The following PARD3 variants were observed in gnomAD, a reference collection of about 807,000 sequenced individuals.
The protein encoded by PARD3 is par-3 family cell polarity regulator.
In PARD3, 75 loss-of-function variants were observed where a neutral mutation model predicts 155.4. That is an observed-to-expected ratio of 0.48 (90% CI 0.40 to 0.58). PARD3 has a LOEUF of 0.58. Among genes scored for constraint, PARD3 ranks in the 20% least tolerant of loss-of-function variants. PARD3 has a pLI of 0.00. For missense variants in PARD3, 1,642 were observed against 1,721.7 expected (o/e 0.95, Z 0.82); for synonymous variants, 576 against 610.5 (o/e 0.94, Z 0.83).
chr10:34,538,674 G>A (rs183871812), intron 2 of PARD3, among the ~76,000 whole-genome samples: 7 of 152,348 alleles, frequency 4.6e-5, no homozygotes, highest in African/African-American at 7.2e-5. Flanking sequence ...ACTTGGTGAG[G>A]AGTGGAGGCC....
chr10:34,189,565 C>T (rs1950618338), intron 22 of PARD3, among the ~76,000 whole-genome samples: 1 of 152,148 alleles, frequency 6.6e-6, no homozygotes, highest in Non-Finnish European at 1.5e-5. Flanking sequence ...CTGGATGAGG[C>T]AGTAAGTATT....
At chr10:34,369,307 T>G (rs568688678) in intron 12 of PARD3, among the ~76,000 whole-genome samples, 850 of 57,074 alleles carry the variant, frequency 0.015, 6 homozygotes, top group African/African-American at 0.088. Context: ...GTGATTTATT[T>G]ATTTATTTGT....
intron 1 of PARD3, among the ~76,000 whole-genome samples, chr10:34,727,878 C>CCA (rs61342514): frequency 0.063 from 9,112 of 144,582 alleles, 852 homozygotes; most frequent in African/African-American, 0.21. Flanking sequence ...CCTCCCTCCG[C>CCA]CACACACACA....
intron 5 of PARD3, among the ~76,000 whole-genome samples, chr10:34,434,775 T>C (rs1467636988): frequency 6.6e-6 from 1 of 152,092 alleles, no homozygotes; most frequent in Non-Finnish European, 1.5e-5. Context: ...GAGGAAAAAG[T>C]AAAGAACACT....
chr10:34,331,141 C>T lies in PARD3; in HGVS notation c.2809G>A (p.Asp937Asn). ...DKSYDKPAVD[D>N]DDEGMETLEE... ...CAGGTCTCCATGCCTTCATCATCAT[C>T]ATCTACCGCGGGTTTATCATAAGAT... The change falls in exon 19 of 25, where the codon GAT becomes AAT. Residue 937 changes from aspartate to asparagine, a missense_variant. By Grantham distance (23) the Asp-to-Asn change is conservative. Around this residue, in one of 3 missense-constraint regions of PARD3, gnomAD observed 1,529 missense variants for 1,587.3 expected, o/e 0.96. Transcript: ENST00000374788. 1 of 1,613,762 alleles carries T rather than the reference C, an allele frequency of 6.2e-7. No homozygotes were observed. Among genetic ancestry groups the T allele is most frequent in the Non-Finnish European group, 8.5e-7 (1 of 1,179,706 alleles).
At chr10:34,355,946 ACAAAACAAAACC>A (rs375821971) in intron 14 of PARD3, among the ~76,000 whole-genome samples, 7 of 103,938 alleles carry the variant, frequency 6.7e-5, no homozygotes, top group African/African-American at 3.9e-4. Context: ...AAAAAAAAAA[ACAAAACAAAACC>A]AAACAAAAAA....
intron 3 of PARD3, among the ~76,000 whole-genome samples, chr10:34,482,507 T>C (rs774165231): frequency 4.6e-5 from 7 of 151,902 alleles, no homozygotes; most frequent in South Asian, 2.1e-4. Context: ...CTCTAACAGA[T>C]TGCTACTCCC....
At chr10:34,245,202 A>C (rs1231391493) in intron 22 of PARD3, among the ~76,000 whole-genome samples, 1 of 152,160 alleles carries the variant, frequency 6.6e-6, no homozygotes, top group Non-Finnish European at 1.5e-5. Context: ...AAAGTACTAA[A>C]TTTGCAGAAA....
At chr10:34,653,230 T>A (rs910506717) in intron 2 of PARD3, among the ~76,000 whole-genome samples, 4 of 152,130 alleles carry the variant, frequency 2.6e-5, no homozygotes, top group African/African-American at 9.7e-5. Context: ...AGATAATATC[T>A]GAGAGTAGAA....
At chr10:34,652,371 G>C (rs2093039037) in intron 2 of PARD3, among the ~76,000 whole-genome samples, 1 of 152,198 alleles carries the variant, frequency 6.6e-6, no homozygotes, top group Admixed American at 6.5e-5. Flanking sequence ...TTTCACATAT[G>C]GGTGTGATGG....
At chr10:34,693,534 C>T (rs2094109315) in intron 2 of PARD3, among the ~76,000 whole-genome samples, 1 of 151,980 alleles carries the variant, frequency 6.6e-6, no homozygotes, top group African/African-American at 2.4e-5. Context: ...CTCACGTGGA[C>T]ATAAAGAGGA....
At chr10:34,338,812 A>G (rs1836481726) in intron 16 of PARD3, among the ~76,000 whole-genome samples, 1 of 152,252 alleles carries the variant, frequency 6.6e-6, no homozygotes, top group East Asian at 1.9e-4. Flanking sequence ...AAATATGCTC[A>G]ATAAAGAGAA....
At chr10:34,331,407 G>A in intron 18 of PARD3, 63 bp from the exon 19 acceptor site, 2 of 1,034,958 alleles carry the variant, frequency 1.9e-6, no homozygotes, top group Non-Finnish European at 3.0e-6. Flanking sequence ...ACCTGAATAT[G>A]CACTGTCGAA....
In PARD3 at chr10:34,284,281, T is replaced by C. The variant is rs910377302; in HGVS notation, c.3066-36A>G. The C allele has an allele frequency of 8.3e-6, 10 of 1,211,590 alleles. No individual in the cohort carries two copies. In the Middle Eastern group the frequency reaches 5.8e-4, roughly 70 times the overall value. The allele number at this position is 1,211,590 out of a possible 1,614,324, so 75.1% of individuals were successfully genotyped here. A position where few individuals can be genotyped will look rare whatever the true frequency, so the allele number is the denominator to read the frequency against. Reference sequence around the variant, plus strand: ...CAAAAAATTCTAACTTGTCAATATATACAAAATGAGCTTTCTTTTGTTTGT... The same window carrying C: ...CAAAAAATTCTAACTTGTCAATATACACAAAATGAGCTTTCTTTTGTTTGT... On this transcript the variant is annotated intron_variant, in intron 20 of 24. Transcript: ENST00000374788.
At chr10:34,701,994 C>CGGGCTGTATTT (rs1463438772) in intron 1 of PARD3, among the ~76,000 whole-genome samples, 1 of 151,982 alleles carries the variant, frequency 6.6e-6, no homozygotes, top group Admixed American at 6.6e-5. Flanking sequence ...GAAAGCAAGT[C>CGGGCTGTATTT]TCTACTAAAA....
rs566901165 is a variant in PARD3 at position 34,442,823 on chromosome 10, A to T, written c.714+7494T>A. The stretch of plus-strand genomic sequence containing the variant: ...AAGTTTGAAGCTGAAGTGAGCTATG[A>T]CTGCACCACTGCACCCCAGTCTGGG... On this transcript the variant is annotated intron_variant, in intron 5 of 24. Transcript: ENST00000374788. Among the ~76,000 whole-genome samples the T allele has an allele frequency of 2.0e-5, 3 of 152,304 alleles. No homozygotes were observed. The South Asian group carries it at 6.2e-4, about 32-fold the overall frequency.
chr10:34,586,766 G>A (rs1461000618), intron 2 of PARD3, among the ~76,000 whole-genome samples: 1 of 152,124 alleles, frequency 6.6e-6, no homozygotes, highest in Admixed American at 6.6e-5. Context: ...CTCCAGCCTG[G>A]GCAGAGAAAC....
intron 3 of PARD3, 105 bp from the exon 4 acceptor site, chr10:34,470,368 C>T: frequency 2.3e-6 from 2 of 871,292 alleles, no homozygotes; most frequent in Non-Finnish European, 3.4e-6. Context: ...CAGAATTACA[C>T]TTTTGTAAAA....
intron 1 of PARD3, among the ~76,000 whole-genome samples, chr10:34,720,111 CAT>C (rs2094580050): frequency 6.6e-6 from 1 of 152,192 alleles, no homozygotes; most frequent in Non-Finnish European, 1.5e-5. Context: ...GAAACACTGA[CAT>C]GTGGGTTTGT....
Sources: gnomAD v4.1 joint callset for allele counts (sites outside exome capture counted in the v4.1 genomes callset) on GRCh38, gnomAD v4.1.1 for gene constraint, gnomAD v4.1.1 regional missense constraint, MANE v1.5 for transcripts, NCBI Gene and HGNC (gene_info 2026-07-23, HGNC 2026-07-21) for gene names.